RBAK: variants seen among roughly 807,000 people sequenced by gnomAD.
RBAK encodes RB associated KRAB zinc finger, also known as RB-associated KRAB zinc finger protein.
RBAK carries 39 observed loss-of-function variants against 65.8 expected under a neutral mutation model. The ratio of observed to expected loss-of-function variants is 0.59; its 90% confidence interval spans 0.46 to 0.77. The LOEUF (loss-of-function observed/expected upper bound fraction) is 0.77, where lower values mean the gene tolerates loss of function less well. RBAK is among the 30% of genes least tolerant of loss of function. RBAK has a pLI of 0.00. For missense variants in RBAK, 884 were observed against 855.1 expected, an observed-to-expected ratio of 1.03 and a Z score of -0.42; for synonymous variants, 343 against 289.7, an observed-to-expected ratio of 1.18 and a Z score of -1.87.
At position 5,064,768 on chromosome 7, in the gene RBAK, T is replaced by A; in HGVS notation, c.1312T>A (p.Phe438Ile). 1.9e-6 allele frequency: 3 copies of A among 1,614,100 alleles called. No individual in the cohort carries two copies. The highest frequency in any genetic ancestry group is 2.5e-6 in the Non-Finnish European group (3 of 1,179,910). The stretch of plus-strand genomic sequence containing the variant: ...TCAGTGTAGCGAGTGTGGGAAATTC[T>A]TTTCTCGGGTGTCATACCTCACTAT... ...PYQCSECGKF[F>I]SRVSYLTIHY... Residue 438 changes from phenylalanine to isoleucine, a missense_variant, in exon 5 of 5, where the codon TTT (phenylalanine) becomes ATT (isoleucine). Phe to Ile is a conservative substitution (Grantham distance 21, BLOSUM62 0). Transcript: ENST00000396912. This position sits in a 1 kb window ranked among gnomAD's most constrained non-coding sequence, Gnocchi z 6.3.
chr7:5,046,119 G>GAGGCGA lies in RBAK; in HGVS notation c.-318_-313dup, dbSNP rs1349788490. 2.5e-5 allele frequency: 8 copies of GAGGCGA among 318,228 alleles called. No homozygotes were observed. 19.7% of individuals were successfully genotyped at this position (318,228 alleles called of 1,614,324 possible). On this transcript the variant is annotated 5_prime_UTR_variant, in exon 1 of 5. Transcript: ENST00000396912. Reference sequence around the variant, plus strand: ...ACGGGAGGTGGCGGAGGTGGCGGCGGAGGCGAAGGGGCGGCGGGACGCGGG... The same window carrying GAGGCGA: ...ACGGGAGGTGGCGGAGGTGGCGGCGGAGGCGAAGGCGAAGGGGCGGCGGGACGCGGG...
chr7:5,064,568 G>C lies in RBAK; in HGVS notation c.1112G>C (p.Arg371Thr). The C allele has an allele frequency of 6.2e-7, 1 of 1,613,560 alleles. No individual in the cohort carries two copies. The highest frequency in any genetic ancestry group is 8.5e-7 in the Non-Finnish European group (1 of 1,179,814). Residue 371 changes from arginine (R) to threonine (T), a missense_variant, in exon 5 of 5, where the codon AGG becomes ACG. Coordinates refer to ENST00000396912, the MANE Select transcript of RBAK (RefSeq NM_021163.4). The surrounding 1 kb of genome is among the most constrained non-coding windows in gnomAD (Gnocchi z 6.3). ...TLHQRNHSGE[R>T]PYPCNECGKS... ...CACCAGAGGAATCATTCAGGAGAGAGGCCCTATCCATGTAACGAATGTGGG... is the reference window on the plus strand; with the variant it reads ...CACCAGAGGAATCATTCAGGAGAGACGCCCTATCCATGTAACGAATGTGGG...
Position 5,045,918 on chromosome 7 carries a change from G to T in RBAK, c.-523G>T. The T allele has an allele frequency of 2.9e-6, 1 of 348,746 alleles. No individual in the cohort carries two copies. The highest frequency in any genetic ancestry group is 5.5e-6 in the Non-Finnish European group (1 of 182,600). The allele number at this position is 348,746 out of a possible 1,614,324, so 21.6% of individuals were successfully genotyped here. ...CGCTTGCTCTAGTTCCCAGGCTTTG[G>T]CCTCCAGTGGACGAGAATCGCGGAG... is the stretch of plus-strand genomic sequence containing the variant. On this transcript the variant is annotated 5_prime_UTR_variant, in exon 1 of 5. Coordinates refer to ENST00000396912, the MANE Select transcript of RBAK (RefSeq NM_021163.4).
chr7:5,057,556 T>C, intron 3 of RBAK, 128 bp from the exon 4 acceptor site: 2 of 1,589,400 alleles, frequency 1.3e-6, no homozygotes, highest in Non-Finnish European at 1.7e-6. Flanking sequence ...CATTGAAAGG[T>C]TCTAACTTTG....
At chr7:5,061,813 G>A (rs58668501) in intron 4 of RBAK, among the ~76,000 whole-genome samples, 14,577 of 151,574 alleles carry the variant, frequency 0.096, 1,073 homozygotes, top group East Asian at 0.39. Flanking sequence ...CAGGAGATTC[G>A]CTTGAGCCTG....
In RBAK at chr7:5,048,105, C is replaced by T. The variant is rs776701878; in HGVS notation, c.15+14C>T. The T allele has an allele frequency of 3.1e-6, 5 of 1,592,326 alleles. No individual in the cohort carries two copies. The highest frequency in any genetic ancestry group is 1.8e-5 in the Admixed American group (1 of 57,050). Reference sequence around the variant, plus strand: ...AACACATTGCAGGTGAGTTTTCATGCTTGTGTATATGTTCCTCAACTTTAT... The same window carrying T: ...AACACATTGCAGGTGAGTTTTCATGTTTGTGTATATGTTCCTCAACTTTAT... On this transcript the variant is annotated intron_variant, in intron 2 of 4. Coordinates refer to ENST00000396912, the MANE Select transcript of RBAK (RefSeq NM_021163.4). This position sits in a 1 kb window ranked among gnomAD's most constrained non-coding sequence, Gnocchi z 4.4.
Position 5,057,793 on chromosome 7 carries a change from G to A in RBAK, c.238+14G>A, listed in dbSNP as rs183994200. On this transcript the variant is annotated intron_variant, in intron 4 of 4. Transcript: ENST00000396912. ...AACATAGTCCAGGTAAGTTAGTAGC[G>A]TATCAAAGGTTAAAAAATGCTCATC... The A allele has an allele frequency of 5.5e-5, 89 of 1,613,580 alleles. 1 individual carries two copies. The highest frequency in any genetic ancestry group is 3.3e-4 in the Middle Eastern group (2 of 6,056).
rs1788034337 is a variant in RBAK at position 5,048,092 on chromosome 7, G to A, written c.15+1G>A. On this transcript the variant is annotated splice_donor_variant, in intron 2 of 4. Transcript: ENST00000396912. LOFTEE classifies it high-confidence loss of function. This position sits in a 1 kb window ranked among gnomAD's most constrained non-coding sequence, Gnocchi z 4.4. ...GCAGCAGAAAATGAACACATTGCAG[G>A]TGAGTTTTCATGCTTGTGTATATGT... 2 of 1,592,494 alleles carry A rather than the reference G, an allele frequency of 1.3e-6. No individual in the cohort carries two copies. The highest frequency in any genetic ancestry group is 1.4e-5 in the African/African-American group (1 of 73,284).
Position 5,065,053 on chromosome 7 carries a change from C to T in RBAK, c.1597C>T (p.Pro533Ser). 1 of 1,613,740 alleles carries T rather than the reference C, an allele frequency of 6.2e-7. No homozygotes were observed. The highest frequency in any genetic ancestry group is 8.5e-7 in the Non-Finnish European group (1 of 1,179,884). ...NSAFDGHQPL[P>S]KGEKSYECNV... is the part of the protein sequence containing the mutation. ...AGCCTTCGATGGGCACCAGCCACTTCCAAAAGGGGAGAAATCCTATGAATG... is the reference window on the plus strand; with the variant it reads ...AGCCTTCGATGGGCACCAGCCACTTTCAAAAGGGGAGAAATCCTATGAATG... The change falls in exon 5 of 5, where the codon CCA (proline) becomes TCA (serine). Residue 533 changes from proline to serine, a missense_variant. Transcript: ENST00000396912. This position sits in a 1 kb window ranked among gnomAD's most constrained non-coding sequence, Gnocchi z 5.3.
At position 5,065,213 on chromosome 7, in the gene RBAK, A is replaced by G; in HGVS notation, c.1757A>G (p.Gln586Arg). 3 of 1,613,616 alleles carry G rather than the reference A, an allele frequency of 1.9e-6. No individual in the cohort carries two copies. The South Asian group carries it at 3.3e-5, about 18-fold the overall frequency. ...CATAATTCATCCCTCTTCAGACATC[A>G]AAGAGTACACACAGGCGAGAAACCC... is the stretch of plus-strand genomic sequence containing the variant. ...FSHNSSLFRH[Q>R]RVHTGEKPYE... Residue 586 changes from glutamine to arginine, a missense_variant, in exon 5 of 5, where the codon CAA (glutamine) becomes CGA (arginine). Transcript: ENST00000396912. The surrounding 1 kb of genome is among the most constrained non-coding windows in gnomAD (Gnocchi z 5.3).
At chr7:5,050,042 G>T (rs1292487126) in intron 2 of RBAK, among the ~76,000 whole-genome samples, 1 of 152,102 alleles carries the variant, frequency 6.6e-6, no homozygotes, top group Non-Finnish European at 1.5e-5. Flanking sequence ...CCACTGTATT[G>T]CTCAGACTGG....
intron 4 of RBAK, among the ~76,000 whole-genome samples, 174 bp downstream of exon 4, chr7:5,057,953 A>T (rs954387911): frequency 5.3e-5 from 8 of 152,102 alleles, no homozygotes; most frequent in Admixed American, 5.2e-4. Context: ...TTTGATTTAC[A>T]TTGGTAGGGA....
Position 5,064,328 on chromosome 7 carries a change from G to T in RBAK, c.872G>T (p.Cys291Phe). The change falls in exon 5 of 5, where the codon TGT becomes TTT. Residue 291 changes from cysteine to phenylalanine, a missense_variant. By Grantham distance (205) the Cys-to-Phe change is radical. Coordinates refer to ENST00000396912, the MANE Select transcript of RBAK (RefSeq NM_021163.4). This position sits in a 1 kb window ranked among gnomAD's most constrained non-coding sequence, Gnocchi z 6.3. Reference sequence around the variant, plus strand: ...CACACAGGAGAGAAACCTTATGAATGTAATGTATGTGGGAAATCCTTCAGC... The same window carrying T: ...CACACAGGAGAGAAACCTTATGAATTTAATGTATGTGGGAAATCCTTCAGC... ...RAHTGEKPYE[C>F]NVCGKSFSQK... The T allele has an allele frequency of 6.2e-7, 1 of 1,614,124 alleles. No homozygotes were observed. The highest frequency in any genetic ancestry group is 8.5e-7 in the Non-Finnish European group (1 of 1,180,002).
In RBAK at chr7:5,057,311, A is replaced by G. The variant is rs1350259177; in HGVS notation, c.32A>G (p.Lys11Arg). MNTLQGPVSF[K>R]DVAVDFTQEE... ...CCATTACAGGGGCCAGTGTCATTCA[A>G]AGATGTGGCTGTGGATTTCACCCAG... is the stretch of plus-strand genomic sequence containing the variant. The change falls in exon 3 of 5, where the codon AAA becomes AGA. Residue 11 changes from lysine to arginine, a missense_variant. Transcript: ENST00000396912. 3 of 1,613,854 alleles carry G rather than the reference A, an allele frequency of 1.9e-6. No homozygotes were observed. Among genetic ancestry groups the G allele is most frequent in the African/African-American group, 1.3e-5 (1 of 74,866 alleles).
At chr7:5,058,474 T>C (rs1778982727) in intron 4 of RBAK, among the ~76,000 whole-genome samples, 1 of 152,260 alleles carries the variant, frequency 6.6e-6, no homozygotes, top group African/African-American at 2.4e-5. Context: ...CCTTCCTTGC[T>C]TTAAAAATAC....
chr7:5,057,327 T>C lies in RBAK; in HGVS notation c.48T>C (p.Asp16=), dbSNP rs11975068. 0.26 allele frequency: 419,997 copies of C among 1,613,560 alleles called. 56,509 individuals carry two copies. Among genetic ancestry groups the C allele is most frequent in the East Asian group, 0.39 (17,454 of 44,836 alleles). ...GPVSFKDVAV[D]FTQEEWQQLD... ...TGTCATTCAAAGATGTGGCTGTGGA[T>C]TTCACCCAGGAGGAGTGGCAGCAGC... The change falls in exon 3 of 5, where the codon GAT becomes GAC. Residue 16 remains aspartate, a synonymous_variant. Coordinates refer to ENST00000396912, the MANE Select transcript of RBAK (RefSeq NM_021163.4).
intron 2 of RBAK, among the ~76,000 whole-genome samples, chr7:5,055,285 CGTGT>C (rs1788204170): frequency 6.9e-6 from 1 of 144,708 alleles, no homozygotes; most frequent in African/African-American, 2.6e-5. Context: ...TGTGTGCGTG[CGTGT>C]ATATACACAC....
intron 2 of RBAK, among the ~76,000 whole-genome samples, chr7:5,055,957 A>G (rs1017038005): frequency 8.5e-5 from 13 of 152,076 alleles, no homozygotes; most frequent in African/African-American, 3.1e-4. Flanking sequence ...TTCTTTATAA[A>G]TAATAGGATA....
At position 5,064,300 on chromosome 7, in the gene RBAK, G is replaced by A; in HGVS notation, c.844G>A (p.Ala282Thr). 6.2e-7 allele frequency: 1 copy of A among 1,614,084 alleles called. No individual in the cohort carries two copies. The change falls in exon 5 of 5, where the codon GCT (alanine) becomes ACT (threonine). Residue 282 changes from alanine to threonine, a missense_variant. By Grantham distance (58) the Ala-to-Thr change is moderately conservative. Coordinates refer to ENST00000396912, the MANE Select transcript of RBAK (RefSeq NM_021163.4). The surrounding 1 kb of genome is among the most constrained non-coding windows in gnomAD (Gnocchi z 6.3). Reference sequence around the variant, plus strand: ...GTCAAAATTCATCATCCACCAGAGGGCTCACACAGGAGAGAAACCTTATGA... The same window carrying A: ...GTCAAAATTCATCATCCACCAGAGGACTCACACAGGAGAGAAACCTTATGA... ...KKSKFIIHQR[A>T]HTGEKPYECN...
Sources: allele counts gnomAD v4.1 joint callset (sites outside exome capture counted in the v4.1 genomes callset), GRCh38; gene constraint gnomAD v4.1.1; non-coding constraint Gnocchi (gnomAD v3.1); transcripts MANE v1.5; gene names NCBI Gene and HGNC (gene_info 2026-07-23, HGNC 2026-07-21).